SLC14A2: variants seen among roughly 807,000 people sequenced by gnomAD.
SLC14A2 encodes solute carrier family 14 member 2, also known as urea transporter 2.
Under a neutral mutation model 104.6 loss-of-function variants are expected in SLC14A2, and 91 were observed. The ratio of observed to expected loss-of-function variants is 0.87; its 90% confidence interval spans 0.73 to 1.04. The LOEUF (loss-of-function observed/expected upper bound fraction) is 1.04, where lower values mean the gene tolerates loss of function less well. Ranked by LOEUF, SLC14A2 falls within the 50% of genes least tolerant of loss-of-function variation. The probability of loss-of-function intolerance (pLI) is 0.00; values close to 1 mark genes in which losing one functional copy is unlikely to be tolerated. For synonymous variants in SLC14A2, 476 were observed against 466.4 expected (o/e 1.02, Z -0.27); for missense variants, 1,189 against 1,156.0 (o/e 1.03, Z -0.41).
intron 3 of SLC14A2, 36 bp downstream of exon 3, chr18:45,625,899 G>C (rs2045250304): frequency 7.2e-7 from 1 of 1,382,694 alleles, no homozygotes; most frequent in Non-Finnish European, 9.4e-7. Context: ...AGCCAGACCA[G>C]GCCAGGCCAG....
chr18:45,338,677 G>T (rs1349704944), intron 1 of SLC14A2, among the ~76,000 whole-genome samples: 2 of 83,034 alleles, frequency 2.4e-5, no homozygotes, highest in Admixed American at 3.4e-4. Flanking sequence ...ACTCACACTG[G>T]CTCACAAAAA....
chr18:45,583,694 A>ATGAC (rs1295053152), intron 2 of SLC14A2, among the ~76,000 whole-genome samples: 1 of 152,206 alleles, frequency 6.6e-6, no homozygotes, highest in Non-Finnish European at 1.5e-5. Flanking sequence ...TAGAATAGCA[A>ATGAC]TGACTGAGAA....
chr18:45,220,309 T>A (rs1259057590), intron 1 of SLC14A2, among the ~76,000 whole-genome samples: 2 of 152,188 alleles, frequency 1.3e-5, no homozygotes, highest in Admixed American at 1.3e-4. Context: ...CTGTCTGAGG[T>A]AAACACCATC....
At chr18:45,553,549 G>A (rs2044085079) in intron 2 of SLC14A2, among the ~76,000 whole-genome samples, 1 of 152,174 alleles carries the variant, frequency 6.6e-6, no homozygotes, top group Admixed American at 6.5e-5. Context: ...GCCTGTGAGT[G>A]GGGTGAGGGT....
chr18:45,350,834 A>G (rs1050400253), intron 1 of SLC14A2, among the ~76,000 whole-genome samples: 4 of 152,154 alleles, frequency 2.6e-5, no homozygotes, highest in African/African-American at 2.4e-5. Flanking sequence ...AAAGAAGACA[A>G]TAGCAATATT....
At chr18:45,343,760 T>A (rs920267705) in intron 1 of SLC14A2, among the ~76,000 whole-genome samples, 1 of 152,168 alleles carries the variant, frequency 6.6e-6, no homozygotes, top group Non-Finnish European at 1.5e-5. Context: ...CTGTGATTCC[T>A]TTGAGTAATC....
At chr18:45,181,543 A>G in the SLC14A2 span, among the ~76,000 whole-genome samples, 2 of 152,330 alleles carry the variant, frequency 1.3e-5, no homozygotes, top group Admixed American at 6.5e-5. Flanking sequence ...AACTTCTTCC[A>G]AACCTGCTTT....
At chr18:45,199,673 C>T in the SLC14A2 span, among the ~76,000 whole-genome samples, 2 of 152,162 alleles carry the variant, frequency 1.3e-5, no homozygotes, top group African/African-American at 2.4e-5. Context: ...CTCTTGTGCT[C>T]CTTCCTGTAA....
intron 1 of SLC14A2, among the ~76,000 whole-genome samples, chr18:45,269,892 G>T (rs370386583): frequency 9.2e-5 from 14 of 151,996 alleles, no homozygotes. Flanking sequence ...AGTGTTTTTG[G>T]TCTCTTTTTT....
chr18:45,671,759 G>C (rs999440397), intron 16 of SLC14A2, among the ~76,000 whole-genome samples: 2 of 152,194 alleles, frequency 1.3e-5, no homozygotes, highest in Non-Finnish European at 2.9e-5. Flanking sequence ...GCCACGCGCA[G>C]AGGGAAGAGT....
At chr18:45,497,839 A>C (rs1228177321) in intron 2 of SLC14A2, among the ~76,000 whole-genome samples, 1 of 152,196 alleles carries the variant, frequency 6.6e-6, no homozygotes, top group Non-Finnish European at 1.5e-5. Context: ...AAAATGGCCC[A>C]ATGACTCAGG....
At chr18:45,250,016 T>C (rs1256815178) in intron 1 of SLC14A2, among the ~76,000 whole-genome samples, 3 of 152,048 alleles carry the variant, frequency 2.0e-5, no homozygotes, top group African/African-American at 7.2e-5. Context: ...ATCAACCTAA[T>C]AGCCACCAGA....
intron 1 of SLC14A2, chr18:45,436,599 A>G (rs985025492): frequency 1.3e-5 from 2 of 152,192 alleles, no homozygotes; most frequent in African/African-American, 4.8e-5. Flanking sequence ...TGAACTGACC[A>G]GGAAAAGTAT....
At chr18:45,631,519 G>A (rs2045345548) in intron 4 of SLC14A2, among the ~76,000 whole-genome samples, 1 of 152,244 alleles carries the variant, frequency 6.6e-6, no homozygotes, top group African/African-American at 2.4e-5. Flanking sequence ...ACACTTCTGG[G>A]CTGCTCCTCA....
intron 4 of SLC14A2, among the ~76,000 whole-genome samples, chr18:45,630,069 G>A (rs1311393070): frequency 6.6e-6 from 1 of 152,104 alleles, no homozygotes; most frequent in African/African-American, 2.4e-5. Flanking sequence ...ACACATCCCA[G>A]TACTAGATTG....
At chr18:45,172,450 T>G in the SLC14A2 span, among the ~76,000 whole-genome samples, 3 of 152,148 alleles carry the variant, frequency 2.0e-5, no homozygotes, top group African/African-American at 7.2e-5. Context: ...AACTGAACAC[T>G]TTCTGGCAAC....
chr18:45,171,475 A>G, the SLC14A2 span, among the ~76,000 whole-genome samples: 1 of 152,128 alleles, frequency 6.6e-6, no homozygotes, highest in Admixed American at 6.6e-5. Flanking sequence ...GGAATTTACC[A>G]CTTGAATTAC....
chr18:45,549,402 T>C (rs2044022045), intron 2 of SLC14A2, among the ~76,000 whole-genome samples: 1 of 152,222 alleles, frequency 6.6e-6, no homozygotes, highest in Non-Finnish European at 1.5e-5. Flanking sequence ...ATGGAGCAGC[T>C]GCCTTCTCAA....
At chr18:45,376,488 G>A (rs969230411) in intron 1 of SLC14A2, among the ~76,000 whole-genome samples, 3 of 152,100 alleles carry the variant, frequency 2.0e-5, no homozygotes, top group African/African-American at 7.2e-5. Flanking sequence ...TCTGCTAAGG[G>A]TTACTGAGAA....
Sources: gnomAD v4.1 joint callset for allele counts (sites outside exome capture counted in the v4.1 genomes callset) on GRCh38, gnomAD v4.1.1 for gene constraint, MANE v1.5 for transcripts, NCBI Gene and HGNC (gene_info 2026-07-23, HGNC 2026-07-21) for gene names.